ADAMTS5: variants seen among roughly 807,000 people sequenced by gnomAD.
ADAMTS5 encodes ADAM metallopeptidase with thrombospondin type 1 motif 5.
A neutral mutation model predicts 81.4 loss-of-function variants in ADAMTS5; 54 were observed. That is an observed-to-expected ratio of 0.66 (90% CI 0.53 to 0.83). ADAMTS5 has a LOEUF of 0.83. ADAMTS5 is among the 40% of genes least tolerant of loss of function. The pLI is 0.00. For missense variants in ADAMTS5, 1,194 were observed against 1,229.9 expected (o/e 0.97, Z 0.44); for synonymous variants, 532 against 508.8 (o/e 1.05, Z -0.61).
chr21:26,933,951 T>C (rs1986962417), intron 4 of ADAMTS5, among the ~76,000 whole-genome samples: 1 of 152,204 alleles, frequency 6.6e-6, no homozygotes, highest in African/African-American at 2.4e-5. Context: ...GAAGCTGGAC[T>C]GTGTATATAG....
chr21:26,954,901 A>T (rs561977563), intron 1 of ADAMTS5, 30 bp from the exon 2 acceptor site: 1 of 1,611,950 alleles, frequency 6.2e-7, no homozygotes, highest in South Asian at 1.1e-5. Context: ...AAATCATTAA[A>T]ATCAATTTAC....
chr21:26,924,704 T>A (rs1251662771), intron 7 of ADAMTS5, 84 bp from the exon 8 acceptor site: 2 of 1,117,214 alleles, frequency 1.8e-6, no homozygotes. Context: ...AACAAATAAA[T>A]ACACAAACAG....
chr21:26,918,656 C>A lies in ADAMTS5; in HGVS notation c.*5397G>T, dbSNP rs1600992745. 6.6e-6 allele frequency: 1 copy of A among 151,990 alleles called. No individual in the cohort carries two copies. Among genetic ancestry groups the A allele is most frequent in the East Asian group, 1.9e-4 (1 of 5,162 alleles). The allele number at this position is 151,990 out of a possible 1,614,324, so 9.4% of individuals were successfully genotyped here. A position where few individuals can be genotyped will look rare whatever the true frequency, so the allele number is the denominator to read the frequency against. On this transcript the variant is annotated 3_prime_UTR_variant, in exon 8 of 8. Transcript: ENST00000284987. ...ATATATTTCTTAATCAAAAGTCTAG[C>A]TTTACAAAGTCACATACAGTATGTT...
chr21:26,940,099 A>G (rs1310170411), intron 3 of ADAMTS5, among the ~76,000 whole-genome samples: 1 of 152,256 alleles, frequency 6.6e-6, no homozygotes, highest in African/African-American at 2.4e-5. Context: ...ACAAATGTCC[A>G]GCTACTTATG....
At chr21:26,941,689 T>C (rs1237126227) in intron 3 of ADAMTS5, among the ~76,000 whole-genome samples, 1 of 152,158 alleles carries the variant, frequency 6.6e-6, no homozygotes, top group Non-Finnish European at 1.5e-5. Flanking sequence ...AAGGTTTAGC[T>C]CAACTTCTTG....
intron 6 of ADAMTS5, 89 bp downstream of exon 6, chr21:26,931,915 C>T (rs1986914571): frequency 3.0e-6 from 4 of 1,326,210 alleles, no homozygotes; most frequent in Non-Finnish European, 3.0e-6. Flanking sequence ...AAACTAATAA[C>T]TGTTTACGTC....
chr21:26,959,637 T>C (rs1375594911), intron 1 of ADAMTS5, among the ~76,000 whole-genome samples: 2 of 152,188 alleles, frequency 1.3e-5, no homozygotes, highest in African/African-American at 4.8e-5. Flanking sequence ...TTGGAAAAAC[T>C]AGATAATTTA....
At chr21:26,931,421 T>C (rs1184182189) in intron 6 of ADAMTS5, among the ~76,000 whole-genome samples, 3 of 152,194 alleles carry the variant, frequency 2.0e-5, no homozygotes, top group African/African-American at 7.2e-5. Flanking sequence ...AATAAAACTC[T>C]GCTATAGATT....
At chr21:26,925,552 A>C (rs1986791769) in intron 7 of ADAMTS5, among the ~76,000 whole-genome samples, 1 of 152,220 alleles carries the variant, frequency 6.6e-6, no homozygotes. Flanking sequence ...ATGCTAATTA[A>C]GCACCAAGGG....
intron 3 of ADAMTS5, among the ~76,000 whole-genome samples, chr21:26,941,178 G>A (rs1289128778): frequency 6.6e-6 from 1 of 151,988 alleles, no homozygotes; most frequent in African/African-American, 2.4e-5. Context: ...ATATTCAAAA[G>A]TGAGAAAGTC....
chr21:26,933,623 T>C (rs1350813394), intron 4 of ADAMTS5, among the ~76,000 whole-genome samples: 2 of 152,224 alleles, frequency 1.3e-5, no homozygotes, highest in Non-Finnish European at 2.9e-5. Context: ...ACTCACGCCA[T>C]ACATGCAGAC....
intron 1 of ADAMTS5, among the ~76,000 whole-genome samples, chr21:26,958,857 AATCC>A (rs1987475145): frequency 6.6e-6 from 1 of 152,236 alleles, no homozygotes; most frequent in Non-Finnish European, 1.5e-5. Context: ...TCCTTGAGGG[AATCC>A]ATAAAGGTGT....
intron 3 of ADAMTS5, among the ~76,000 whole-genome samples, chr21:26,938,251 A>G (rs745399345): frequency 2.6e-5 from 4 of 152,166 alleles, no homozygotes; most frequent in African/African-American, 4.8e-5. Flanking sequence ...GTCTCAAAAA[A>G]AAAAAGAAAA....
intron 7 of ADAMTS5, among the ~76,000 whole-genome samples, chr21:26,926,831 T>G (rs1182734950): frequency 6.6e-6 from 1 of 151,950 alleles, no homozygotes; most frequent in Non-Finnish European, 1.5e-5. Context: ...CAGTAAGGAG[T>G]AAGTAAAATA....
chr21:26,965,673 T>A lies in ADAMTS5; in HGVS notation c.719A>T (p.Asp240Val). 6.3e-7 allele frequency: 1 copy of A among 1,588,396 alleles called. No homozygotes were observed. The highest frequency in any genetic ancestry group is 8.5e-7 in the Non-Finnish European group (1 of 1,169,996). The change falls in exon 1 of 8, where the codon GAC becomes GTC. Residue 240 changes from aspartate (D) to valine (V), a missense_variant. Physicochemically the swap from Asp to Val is radical, Grantham distance 152. Transcript: ENST00000284987. The stretch of plus-strand genomic sequence containing the variant: ...CCCAGCGGGCGAGAGAGCGGACTGG[T>A]CCAAGAGCTGCGAGGCCAGTGCTGC... ...GRAALASQLL[D>V]QSALSPAGGS...
chr21:26,946,072 A>G (rs1258349952), intron 2 of ADAMTS5, among the ~76,000 whole-genome samples: 1 of 152,182 alleles, frequency 6.6e-6, no homozygotes, highest in Non-Finnish European at 1.5e-5. Flanking sequence ...AAGAACACTT[A>G]AGCACCCAAA....
rs773708240 is a variant in ADAMTS5, at chr21:26,929,848, G to A, written c.2225+38C>T. 6.3e-6 allele frequency: 10 copies of A among 1,591,622 alleles called. No homozygotes were observed. In the Admixed American group the frequency reaches 1.5e-4, roughly 24 times the overall value. ...CAATTCTGCAAGAGTCTAAAGCTTT[G>A]TTCAATTCACATAAAGACAAAGGTT... On this transcript the variant is annotated intron_variant, in intron 7 of 7. Transcript: ENST00000284987.
Position 26,950,909 on chromosome 21 carries a change from G to T in ADAMTS5, c.1237+3830C>A, listed in dbSNP as rs147399383. The stretch of plus-strand genomic sequence containing the variant: ...CTCACTCTGTCACCCAGGCTGGAGT[G>T]CAGTGGTGTAATCATAGCTCATTTT... On this transcript the variant is annotated intron_variant, in intron 2 of 7. Coordinates refer to ENST00000284987, the MANE Select transcript of ADAMTS5 (RefSeq NM_007038.5). Among the ~76,000 whole-genome samples, 84 of 152,174 alleles carry T rather than the reference G, an allele frequency of 5.5e-4. 1 individual carries two copies. In the East Asian group the frequency reaches 0.016, roughly 29 times the overall value.
chr21:26,965,695 C>T lies in ADAMTS5; in HGVS notation c.697G>A (p.Ala233Thr), dbSNP rs1379018541. 1 of 1,582,056 alleles carries T rather than the reference C, an allele frequency of 6.3e-7. No individual in the cohort carries two copies. The highest frequency in any genetic ancestry group is 8.6e-7 in the Non-Finnish European group (1 of 1,166,416). Reference protein sequence around the residue: ...PAHSNPSGRAALASQLLDQSA... With the variant: ...PAHSNPSGRATLASQLLDQSA... ...TGGTCCAAGAGCTGCGAGGCCAGTGCTGCGCGTCCGCTCGGGTTGCTGTGC... is the reference window on the plus strand; with the variant it reads ...TGGTCCAAGAGCTGCGAGGCCAGTGTTGCGCGTCCGCTCGGGTTGCTGTGC... The change falls in exon 1 of 8, where the codon GCA (alanine) becomes ACA (threonine). Residue 233 changes from alanine to threonine, a missense_variant. By Grantham distance (58) the Ala-to-Thr change is moderately conservative. Around this residue, in one of 2 missense-constraint regions of ADAMTS5, gnomAD observed 498 missense variants for 412.3 expected, o/e 1.21. Transcript: ENST00000284987.
Sources: allele counts gnomAD v4.1 joint callset (sites outside exome capture counted in the v4.1 genomes callset), GRCh38; gene constraint gnomAD v4.1.1; regional missense constraint gnomAD v4.1.1; transcripts MANE v1.5; gene names NCBI Gene and HGNC (gene_info 2026-07-23, HGNC 2026-07-21).